The following SUB1 variants were observed in gnomAD, a reference collection of about 807,000 sequenced individuals.
SUB1 encodes SUB1 regulator of transcription.
Under a neutral mutation model 16.9 loss-of-function variants are expected in SUB1, and 1 was observed. That is an observed-to-expected ratio of 0.06 (90% confidence interval 0.02 to 0.28). The LOEUF (loss-of-function observed/expected upper bound fraction) is 0.28. SUB1 is among the 10% of genes least tolerant of loss of function. The pLI, the probability that SUB1 is intolerant of heterozygous loss-of-function variation, is 1.00. For missense variants in SUB1, 84 were observed against 145.2 expected (o/e 0.58, Z 2.16); for synonymous variants, 51 against 46.9 (o/e 1.09, Z -0.36).
intron 3 of SUB1, among the ~76,000 whole-genome samples, chr5:32,593,263 TG>T (rs1242119415): frequency 1.3e-5 from 2 of 152,116 alleles, no homozygotes; most frequent in Non-Finnish European, 2.9e-5. Flanking sequence ...CCTTGGCTTC[TG>T]AAAGTGCTGG....
intron 3 of SUB1, chr5:32,594,500 G>T (rs1738905909): frequency 1.0e-5 from 4 of 398,968 alleles, no homozygotes; most frequent in African/African-American, 8.4e-5. Context: ...GATTATAACT[G>T]GTCATTTTAA....
At chr5:32,587,147 T>C (rs987464740) in intron 1 of SUB1, among the ~76,000 whole-genome samples, 1 of 152,126 alleles carries the variant, frequency 6.6e-6, no homozygotes, top group African/African-American at 2.4e-5. Context: ...GAGTTATTTA[T>C]GTGCTACTGC....
At chr5:32,590,766 T>A (rs1738802998) in intron 2 of SUB1, among the ~76,000 whole-genome samples, 1 of 100,362 alleles carries the variant, frequency 1.0e-5, no homozygotes, top group Non-Finnish European at 2.2e-5. Flanking sequence ...TGGCTAATTT[T>A]TTTTTTTTTT....
At chr5:32,596,465 A>G (rs1187170641) in intron 3 of SUB1, 1 of 152,158 alleles carries the variant, frequency 6.6e-6, no homozygotes. Context: ...TATTTTGCCT[A>G]CCATGGCCAC....
intron 3 of SUB1, among the ~76,000 whole-genome samples, chr5:32,593,117 A>T (rs1738871878): frequency 6.6e-6 from 1 of 152,048 alleles, no homozygotes; most frequent in South Asian, 2.1e-4. Context: ...GGCTCAAATG[A>T]TCCTCCTGCC....
rs934799630 is a variant in SUB1, at chr5:32,589,603, AT to A, written c.72+1022del. On this transcript the variant is annotated intron_variant, in intron 2 of 4. Coordinates refer to ENST00000265073, the MANE Select transcript of SUB1 (RefSeq NM_006713.4). ...ATGACAGCTGCACCGTAATTGGTGA[AT>A]TTCGCTAAATTGAGCATCTCAGTGG... Among the ~76,000 whole-genome samples, 11 of 152,168 alleles carry A rather than the reference AT, an allele frequency of 7.2e-5. No homozygotes were observed. In the South Asian group the frequency reaches 1.0e-3, roughly 14 times the overall value.
chr5:32,591,059 G>A (rs1052846886), intron 2 of SUB1, among the ~76,000 whole-genome samples: 3 of 151,976 alleles, frequency 2.0e-5, no homozygotes, highest in Non-Finnish European at 2.9e-5. Flanking sequence ...GTGAGCTACC[G>A]CGCCCGGCCC....
intron 2 of SUB1, among the ~76,000 whole-genome samples, chr5:32,589,069 C>G (rs894561986): frequency 1.4e-5 from 2 of 144,664 alleles, no homozygotes; most frequent in Non-Finnish European, 2.9e-5. Context: ...TAGAAATTTA[C>G]CAGATTTTTT....
chr5:32,594,756 AT>A, intron 3 of SUB1: 1 of 218,202 alleles, frequency 4.6e-6, no homozygotes, highest in South Asian at 5.0e-5. Context: ...CTTATTCCTT[AT>A]GAGAATCTAA....
At chr5:32,588,413 T>G in intron 1 of SUB1, 99 bp from the exon 2 acceptor site, 1 of 1,053,558 alleles carries the variant, frequency 9.5e-7, no homozygotes, top group Non-Finnish European at 1.4e-6. Context: ...GAATGAACCG[T>G]GGAACTTGTC....
rs189293937 is a variant in SUB1, at chr5:32,593,123, C to T, written c.195+1438C>T. The stretch of plus-strand genomic sequence containing the variant: ...CGCTTCCTGGGCTCAAATGATCCTC[C>T]TGCCTCAGCCTCCTGAGTAACTGGG... On this transcript the variant is annotated intron_variant, in intron 3 of 4. Transcript: ENST00000265073. Among the ~76,000 whole-genome samples, 275 of 152,234 alleles carry T rather than the reference C, an allele frequency of 1.8e-3. 1 individual carries two copies. Among genetic ancestry groups the T allele is most frequent in the African/African-American group, 6.3e-3 (261 of 41,554 alleles).
At chr5:32,600,360 T>A (rs541865087) in intron 4 of SUB1, among the ~76,000 whole-genome samples, 1 of 152,212 alleles carries the variant, frequency 6.6e-6, no homozygotes, top group Non-Finnish European at 1.5e-5. Flanking sequence ...GCTGGAAATA[T>A]AGTAATGGGG....
intron 1 of SUB1, among the ~76,000 whole-genome samples, 192 bp from the exon 2 acceptor site, chr5:32,588,320 C>T (rs1454676326): frequency 3.3e-5 from 5 of 152,192 alleles, no homozygotes; most frequent in African/African-American, 1.2e-4. Context: ...CAGCACATTG[C>T]ACCCTGCGTG....
Position 32,601,285 on chromosome 5 carries a change from T to G in SUB1, c.*201T>G, listed in dbSNP as rs1739108249. On this transcript the variant is annotated 3_prime_UTR_variant, in exon 5 of 5. Coordinates refer to ENST00000265073, the MANE Select transcript of SUB1 (RefSeq NM_006713.4). ...TTGTCAACTTTATTAAGGATTACTT[T>G]GTCTGCCCACCACCTAGTGTAAAAT... 1.9e-6 allele frequency: 1 copy of G among 520,042 alleles called. No homozygotes were observed. Among genetic ancestry groups the G allele is most frequent in the Non-Finnish European group, 3.4e-6 (1 of 293,912 alleles). The allele number at this position is 520,042 out of a possible 1,614,324, so 32.2% of individuals were successfully genotyped here.
intron 4 of SUB1, 127 bp downstream of exon 4, chr5:32,599,196 C>A (rs1266925254): frequency 7.5e-6 from 5 of 665,232 alleles, no homozygotes; most frequent in Non-Finnish European, 1.3e-5. Flanking sequence ...GATTCTCTAT[C>A]TTCTGTAGTT....
Position 32,588,590 on chromosome 5 carries a change from T to C in SUB1, c.72+6T>C. 1 of 1,612,992 alleles carries C rather than the reference T, an allele frequency of 6.2e-7. No homozygotes were observed. Among genetic ancestry groups the C allele is most frequent in the Non-Finnish European group, 8.5e-7 (1 of 1,179,256 alleles). ...ACAGTGAGGTTGACAAAAAGGTGACTACTGCTGCACCAAGTCATTTTGGTG... is the reference window on the plus strand; with the variant it reads ...ACAGTGAGGTTGACAAAAAGGTGACCACTGCTGCACCAAGTCATTTTGGTG... On this transcript the variant is annotated splice_donor_region_variant and intron_variant, in intron 2 of 4. Coordinates refer to ENST00000265073, the MANE Select transcript of SUB1 (RefSeq NM_006713.4).
intron 2 of SUB1, 130 bp from the exon 3 acceptor site, chr5:32,591,433 T>G: frequency 1.6e-6 from 2 of 1,260,158 alleles, no homozygotes; most frequent in South Asian, 1.9e-5. Flanking sequence ...TGAAACTTGC[T>G]TATGTATATA....
At chr5:32,598,574 G>T (rs1443234712) in intron 3 of SUB1, 1 of 160,152 alleles carries the variant, frequency 6.2e-6, no homozygotes, top group African/African-American at 2.4e-5. Context: ...CTCCATCTTT[G>T]TTTACATTTC....
intron 3 of SUB1, chr5:32,598,056 T>TTTTTTATTTTTATTTTA (rs1554006004): frequency 6.7e-6 from 1 of 149,806 alleles, no homozygotes; most frequent in Non-Finnish European, 1.5e-5. Flanking sequence ...GCAATTCAAC[T>TTTTTTATTTTTATTTTA]TTTTTATTTT....
Sources: allele counts gnomAD v4.1 joint callset (sites outside exome capture counted in the v4.1 genomes callset), GRCh38; gene constraint gnomAD v4.1.1; transcripts MANE v1.5; gene names NCBI Gene and HGNC (gene_info 2026-07-23, HGNC 2026-07-21).